The following AJAP1 variants were observed in gnomAD, a reference collection of about 807,000 sequenced individuals.
AJAP1 encodes adherens junctions associated protein 1.
In AJAP1, 5 loss-of-function variants were observed where a neutral mutation model predicts 35.0. That is an observed-to-expected ratio of 0.14 (90% confidence interval 0.07 to 0.30). The LOEUF (loss-of-function observed/expected upper bound fraction) is 0.30, where lower values mean the gene tolerates loss of function less well. AJAP1 is among the 10% of genes least tolerant of loss of function. The probability of loss-of-function intolerance (pLI) is 1.00; values close to 1 mark genes in which losing one functional copy is unlikely to be tolerated. For synonymous variants in AJAP1, 284 were observed against 249.3 expected, an observed-to-expected ratio of 1.14 and a Z score of -1.31; for missense variants, 586 against 571.0, an observed-to-expected ratio of 1.03 and a Z score of -0.27.
intron 1 of AJAP1, among the ~76,000 whole-genome samples, chr1:4,711,403 G>A (rs1018597213): frequency 2.0e-5 from 3 of 150,992 alleles, no homozygotes; most frequent in African/African-American, 4.9e-5. Flanking sequence ...CCCAGTGGGC[G>A]GGGGGTGGCC....
intron 1 of AJAP1, among the ~76,000 whole-genome samples, chr1:4,686,600 G>A (rs561170143): frequency 1.4e-3 from 214 of 152,330 alleles, no homozygotes; most frequent in African/African-American, 4.9e-3. Context: ...CCAGCCTTCC[G>A]CAGAGCTTTG....
intron 2 of AJAP1, among the ~76,000 whole-genome samples, chr1:4,765,550 A>G (rs1443469854): frequency 1.3e-5 from 2 of 152,218 alleles, no homozygotes; most frequent in African/African-American, 4.8e-5. Flanking sequence ...GAATGGTGCC[A>G]TTTGCATAGT....
Position 4,782,474 on chromosome 1 carries a change from G to A in AJAP1, c.*60-71G>A, listed in dbSNP as rs1015874504. 3.6e-5 allele frequency: 11 copies of A among 306,278 alleles called. No individual in the cohort carries two copies. Among genetic ancestry groups the A allele is most frequent in the Middle Eastern group, 8.5e-4 (1 of 1,174 alleles). The allele number at this position is 306,278 out of a possible 1,614,324, so 19.0% of individuals were successfully genotyped here. A position where few individuals can be genotyped will look rare whatever the true frequency, so the allele number is the denominator to read the frequency against. The stretch of plus-strand genomic sequence containing the variant: ...CTGCGTGTGGGGGTCCCAGTCGACC[G>A]AGAACCCCACAGACTTGTCGCGCCC... On this transcript the variant is annotated intron_variant, in intron 5 of 5. Transcript: ENST00000378191. The surrounding 1 kb of genome is among the most constrained non-coding windows in gnomAD (Gnocchi z 5.3).
chr1:4,713,203 G>A (rs999384169), intron 2 of AJAP1, among the ~76,000 whole-genome samples: 7 of 152,188 alleles, frequency 4.6e-5, no homozygotes, highest in Admixed American at 6.5e-5. Context: ...ACTTGACCTC[G>A]GTAGAGGATT....
In AJAP1 at chr1:4,783,884, C is replaced by A. The variant is rs1314968011; in HGVS notation, c.*1399C>A. 2 of 152,222 alleles carry A rather than the reference C, an allele frequency of 1.3e-5. No homozygotes were observed. The highest frequency in any genetic ancestry group is 6.5e-5 in the Admixed American group (1 of 15,292). 9.4% of individuals were successfully genotyped at this position (152,222 alleles called of 1,614,324 possible). A position where few individuals can be genotyped will look rare whatever the true frequency, so the allele number is the denominator to read the frequency against. On this transcript the variant is annotated 3_prime_UTR_variant, in exon 6 of 6. Transcript: ENST00000378191. The stretch of plus-strand genomic sequence containing the variant: ...GAAAAATAGTCATTCTGTGTGCAAA[C>A]CACAAGGCTGCCCCAGTCAGGCAGC...
At chr1:4,678,867 C>G (rs143830886) in intron 1 of AJAP1, among the ~76,000 whole-genome samples, 6 of 152,326 alleles carry the variant, frequency 3.9e-5, no homozygotes, top group African/African-American at 1.4e-4. Flanking sequence ...GACTGTGAGC[C>G]AGATGCATCT....
intron 1 of AJAP1, among the ~76,000 whole-genome samples, chr1:4,675,503 C>A (rs969272863): frequency 6.6e-6 from 1 of 152,174 alleles, no homozygotes; most frequent in Non-Finnish European, 1.5e-5. Context: ...ATTACTGGGG[C>A]CTCTTAACAT....
At chr1:4,727,096 C>A (rs1186730292) in intron 2 of AJAP1, among the ~76,000 whole-genome samples, 3 of 152,258 alleles carry the variant, frequency 2.0e-5, no homozygotes, top group Non-Finnish European at 2.9e-5. Context: ...TACATCTGTT[C>A]CGCCGTGAGT....
chr1:4,684,466 C>A (rs10915586), intron 1 of AJAP1, among the ~76,000 whole-genome samples: 1 of 152,060 alleles, frequency 6.6e-6, no homozygotes, highest in African/African-American at 2.4e-5. Flanking sequence ...AGGTCTAGGG[C>A]GGCCTTGTGG....
intron 5 of AJAP1, among the ~76,000 whole-genome samples, chr1:4,777,031 A>G (rs1424262228): frequency 6.6e-6 from 1 of 152,212 alleles, no homozygotes; most frequent in Non-Finnish European, 1.5e-5. Context: ...ATAAATGCTT[A>G]TAAGATTCTG....
At chr1:4,669,061 A>G (rs771561757) in intron 1 of AJAP1, among the ~76,000 whole-genome samples, 4 of 152,206 alleles carry the variant, frequency 2.6e-5, no homozygotes, top group Non-Finnish European at 5.9e-5. Context: ...TTAAAATTGA[A>G]GTGAAATTCA....
Position 4,772,401 on chromosome 1 carries a change from T to C in AJAP1, c.1039T>C (p.Phe347Leu). Residue 347 changes from phenylalanine (F) to leucine (L), a missense_variant, in exon 4 of 6, where the codon TTC becomes CTC. Transcript: ENST00000378191. ...SARVPSSLDI[F>L]TAYNETLQCS... ...CCGGGTGCCCAGCAGCCTGGACATATTCACGGCCTATAACGAGACCCTGCA... is the reference window on the plus strand; with the variant it reads ...CCGGGTGCCCAGCAGCCTGGACATACTCACGGCCTATAACGAGACCCTGCA... 1 of 1,614,224 alleles carries C rather than the reference T, an allele frequency of 6.2e-7. No homozygotes were observed. Among genetic ancestry groups the C allele is most frequent in the Non-Finnish European group, 8.5e-7 (1 of 1,180,040 alleles).
chr1:4,721,370 G>A (rs1339754300), intron 2 of AJAP1, among the ~76,000 whole-genome samples: 3 of 152,170 alleles, frequency 2.0e-5, no homozygotes, highest in Admixed American at 6.5e-5. Context: ...GAAGTTCTTG[G>A]TCTGTGTGTA....
intron 1 of AJAP1, among the ~76,000 whole-genome samples, chr1:4,705,260 G>A (rs1014879326): frequency 4.0e-5 from 6 of 151,780 alleles, no homozygotes; most frequent in Admixed American, 6.6e-5. Context: ...AGACTTAAAC[G>A]TTAGACCTAA....
chr1:4,780,090 G>A (rs1191896801), intron 5 of AJAP1, among the ~76,000 whole-genome samples: 2 of 143,314 alleles, frequency 1.4e-5, no homozygotes, highest in African/African-American at 2.6e-5. Context: ...GTTGCAGTGA[G>A]CTGAGATTGT....
At position 4,774,416 on chromosome 1, in the gene AJAP1, G is replaced by C. The variant is rs756297401; in HGVS notation, c.1164-11G>C. 35 of 1,613,990 alleles carry C rather than the reference G, an allele frequency of 2.2e-5. No homozygotes were observed. The highest frequency in any genetic ancestry group is 2.9e-5 in the Non-Finnish European group (34 of 1,179,974). ...CCAGCACGCCAAAGCCCATTTTTCT[G>C]TTCACCGCAGACCCTCCTCTTCTGA... On this transcript the variant is annotated splice_polypyrimidine_tract_variant and intron_variant, in intron 4 of 5. Coordinates refer to ENST00000378191, the MANE Select transcript of AJAP1 (RefSeq NM_018836.4).
chr1:4,658,641 G>A (rs958394263), intron 1 of AJAP1, among the ~76,000 whole-genome samples: 1 of 152,226 alleles, frequency 6.6e-6, no homozygotes, highest in Non-Finnish European at 1.5e-5. Context: ...TCAAATCTTT[G>A]GGCAACATCG....
intron 2 of AJAP1, among the ~76,000 whole-genome samples, chr1:4,722,527 C>G (rs912201151): frequency 2.0e-5 from 3 of 152,222 alleles, no homozygotes; most frequent in African/African-American, 7.2e-5. Flanking sequence ...CCTGGGGCTG[C>G]TGTAATGCAT....
At chr1:4,771,285 G>A (rs914559850) in intron 3 of AJAP1, among the ~76,000 whole-genome samples, 1 of 152,198 alleles carries the variant, frequency 6.6e-6, no homozygotes, top group Non-Finnish European at 1.5e-5. Context: ...TCTGACCTTG[G>A]TGTATGGGGT....
Sources: gnomAD v4.1 joint callset for allele counts (sites outside exome capture counted in the v4.1 genomes callset) on GRCh38, gnomAD v4.1.1 for gene constraint, Gnocchi (gnomAD v3.1) non-coding constraint, MANE v1.5 for transcripts, NCBI Gene and HGNC (gene_info 2026-07-23, HGNC 2026-07-21) for gene names.